GPR17: variants seen among roughly 807,000 people sequenced by gnomAD.
GPR17 encodes G protein-coupled receptor 17, also known as uracil nucleotide/cysteinyl leukotriene receptor.
Under a neutral mutation model 1.5 loss-of-function variants are expected in GPR17, and 4 were observed. That is an observed-to-expected ratio of 2.73 (90% CI 1.35 to 6.25). The LOEUF (loss-of-function observed/expected upper bound fraction) is 6.25, where lower values mean the gene tolerates loss of function less well. GPR17 is among the 30% of genes most tolerant of loss of function. The pLI is 0.00. For missense variants in GPR17, 463 were observed against 462.1 expected (o/e 1.00, Z -0.02); for synonymous variants, 209 against 207.6 (o/e 1.01, Z -0.06).
Position 127,650,251 on chromosome 2 carries a change from A to G in GPR17, c.-20-465A>G, listed in dbSNP as rs561957421. On this transcript the variant is annotated intron_variant, in intron 1 of 1. Coordinates refer to ENST00000486700, the MANE Select transcript of GPR17 (RefSeq NM_001161417.2). ...GGGAGGGTCCAGGCACTCAGGATGA[A>G]CAGAACTCACCTGCCAAGGCTTGGG... Among the ~76,000 whole-genome samples, 3 of 152,242 alleles carry G rather than the reference A, an allele frequency of 2.0e-5. 1 individual carries two copies. Among genetic ancestry groups the G allele is most frequent in the African/African-American group, 7.2e-5 (3 of 41,550 alleles).
Position 127,651,781 on chromosome 2 carries a change from G to A in GPR17, c.*26G>A, listed in dbSNP as rs372718166. On this transcript the variant is annotated 3_prime_UTR_variant, in exon 2 of 2. Transcript: ENST00000486700. ...GCGGGGGGCGCCGTCCAGGCCGAGCGCAGACTGTTTAGGACTCAGCAGACC... is the reference window on the plus strand; with the variant it reads ...GCGGGGGGCGCCGTCCAGGCCGAGCACAGACTGTTTAGGACTCAGCAGACC... 45 of 1,601,624 alleles carry A rather than the reference G, an allele frequency of 2.8e-5. No homozygotes were observed. Among genetic ancestry groups the A allele is most frequent in the South Asian group, 1.8e-4 (16 of 89,804 alleles).
chr2:127,652,011 G>A lies in GPR17; in HGVS notation c.*256G>A. On this transcript the variant is annotated 3_prime_UTR_variant, in exon 2 of 2. Coordinates refer to ENST00000486700, the MANE Select transcript of GPR17 (RefSeq NM_001161417.2). Reference sequence around the variant, plus strand: ...CACTCAACGACTTCATCTGTGGCAGGGAGAGAGGAGGCCGGAAGAACAACC... The same window carrying A: ...CACTCAACGACTTCATCTGTGGCAGAGAGAGAGGAGGCCGGAAGAACAACC... 1.9e-6 allele frequency: 1 copy of A among 539,172 alleles called. No individual in the cohort carries two copies. The highest frequency in any genetic ancestry group is 2.9e-5 in the South Asian group (1 of 34,648). The allele number at this position is 539,172 out of a possible 1,614,324, so 33.4% of individuals were successfully genotyped here. A position where few individuals can be genotyped will look rare whatever the true frequency, so the allele number is the denominator to read the frequency against.
In GPR17 at chr2:127,651,939, C is replaced by T. The variant is rs1209487811; in HGVS notation, c.*184C>T. 3 of 635,348 alleles carry T rather than the reference C, an allele frequency of 4.7e-6. No homozygotes were observed. Among genetic ancestry groups the T allele is most frequent in the Non-Finnish European group, 8.4e-6 (3 of 357,260 alleles). The allele number at this position is 635,348 out of a possible 1,614,324, so 39.4% of individuals were successfully genotyped here. A position where few individuals can be genotyped will look rare whatever the true frequency, so the allele number is the denominator to read the frequency against. On this transcript the variant is annotated 3_prime_UTR_variant, in exon 2 of 2. Transcript: ENST00000486700. ...GGAAGAACTGACAAAGGGGATCCAT[C>T]GGCCACCCCTCTGCAGGGGCTTGTG...
In GPR17 at chr2:127,650,728, G is replaced by C; in HGVS notation, c.-8G>C. On this transcript the variant is annotated 5_prime_UTR_variant, in exon 2 of 2. Transcript: ENST00000486700. Reference sequence around the variant, plus strand: ...TTGTTCCCTCCAGGCTCTGACTCCAGCCAAAGCATGAATGGCCTTGAAGTG... The same window carrying C: ...TTGTTCCCTCCAGGCTCTGACTCCACCCAAAGCATGAATGGCCTTGAAGTG... The C allele has an allele frequency of 6.2e-7, 1 of 1,605,476 alleles. No homozygotes were observed. The highest frequency in any genetic ancestry group is 8.5e-7 in the Non-Finnish European group (1 of 1,174,314).
At chr2:127,649,491 G>A (rs1683474957) in intron 1 of GPR17, among the ~76,000 whole-genome samples, 1 of 152,226 alleles carries the variant, frequency 6.6e-6, no homozygotes, top group African/African-American at 2.4e-5. Context: ...CACCCACCTG[G>A]CCGAAGCCCG....
Position 127,651,365 on chromosome 2 carries a change from C to T in GPR17, c.630C>T (p.Thr210=). ...AFTFPFITTV[T]CYLLIIRSLR... ...CCTTCCCGTTCATCACCACGGTCACCTGCTACCTGCTGATCATCCGCAGCC... is the reference window on the plus strand; with the variant it reads ...CCTTCCCGTTCATCACCACGGTCACTTGCTACCTGCTGATCATCCGCAGCC... Residue 210 remains threonine (T), a synonymous_variant, in exon 2 of 2, where the codon ACC becomes ACT. Coordinates refer to ENST00000486700, the MANE Select transcript of GPR17 (RefSeq NM_001161417.2). 1.2e-6 allele frequency: 2 copies of T among 1,612,538 alleles called. No homozygotes were observed. Among genetic ancestry groups the T allele is most frequent in the Non-Finnish European group, 1.7e-6 (2 of 1,180,050 alleles).
In GPR17 at chr2:127,647,916, G is replaced by T. The variant is rs920964355; in HGVS notation, c.-21+1672G>T. On this transcript the variant is annotated intron_variant, in intron 1 of 1. Coordinates refer to ENST00000486700, the MANE Select transcript of GPR17 (RefSeq NM_001161417.2). The surrounding 1 kb of genome is among the most constrained non-coding windows in gnomAD (Gnocchi z 4.3). ...GCTCCCTGTTCTCCCCTGCCTCACA[G>T]GCCCTGTCAAGGGCTGTGTTCCTCC... The T allele has an allele frequency of 3.1e-6, 2 of 652,800 alleles. No homozygotes were observed. The highest frequency in any genetic ancestry group is 3.8e-6 in the Non-Finnish European group (2 of 525,512). The allele number at this position is 652,800 out of a possible 1,614,324, so 40.4% of individuals were successfully genotyped here.
Position 127,648,008 on chromosome 2 carries a change from C to T in GPR17, c.-21+1764C>T, listed in dbSNP as rs534430381. On this transcript the variant is annotated intron_variant, in intron 1 of 1. Transcript: ENST00000486700. ...GCCCTTCCCCAGGGCTTCAGCCAAG[C>T]CTGTCTCCCTCTCCCAAGCATCACT... 1.4e-5 allele frequency: 14 copies of T among 985,724 alleles called. No homozygotes were observed. The East Asian group carries it at 1.6e-3, about 112-fold the overall frequency. The allele number at this position is 985,724 out of a possible 1,614,324, so 61.1% of individuals were successfully genotyped here.
At position 127,651,660 on chromosome 2, in the gene GPR17, T is replaced by C; in HGVS notation, c.925T>C (p.Cys309Arg). Residue 309 changes from cysteine (C) to arginine (R), a missense_variant, in exon 2 of 2, where the codon TGC becomes CGC. Coordinates refer to ENST00000486700, the MANE Select transcript of GPR17 (RefSeq NM_001161417.2). ...FVAEKFRHAL[C>R]NLLCGKRLKG... The stretch of plus-strand genomic sequence containing the variant: ...GGCTGAGAAGTTCCGCCACGCCCTG[T>C]GCAACTTGCTCTGTGGCAAAAGGCT... 6.2e-7 allele frequency: 1 copy of C among 1,613,408 alleles called. No homozygotes were observed. The highest frequency in any genetic ancestry group is 8.5e-7 in the Non-Finnish European group (1 of 1,180,032).
rs141840938 is a variant in GPR17 at position 127,650,976 on chromosome 2, G to T, written c.241G>T (p.Val81Leu). The T allele has an allele frequency of 2.1e-5, 34 of 1,613,694 alleles. No homozygotes were observed. The highest frequency in any genetic ancestry group is 1.1e-5 in the South Asian group (1 of 91,094). ...MHLAVADLSC[V>L]LVLPTRLVYH... ...TCTGGCCGTGGCCGACTTGTCGTGC[G>T]TGCTGGTCCTGCCCACCCGCCTGGT... The change falls in exon 2 of 2, where the codon GTG becomes TTG. Residue 81 changes from valine (V) to leucine (L), a missense_variant. Transcript: ENST00000486700.
chr2:127,649,090 AG>A (rs1447094853), intron 1 of GPR17, among the ~76,000 whole-genome samples: 3 of 146,442 alleles, frequency 2.0e-5, no homozygotes, highest in African/African-American at 7.5e-5. Context: ...AAAGAAAAAA[AG>A]AAAAAAGAAA....
rs3821231 is a variant in GPR17 at position 127,652,228 on chromosome 2, C to A, written c.*473C>A. ...CTTTGCAGTGCAAGGTACTCTGAGT[C>A]CCCTCTGTAGTGCCTCTGCCAGACA... is the stretch of plus-strand genomic sequence containing the variant. On this transcript the variant is annotated 3_prime_UTR_variant, in exon 2 of 2. Coordinates refer to ENST00000486700, the MANE Select transcript of GPR17 (RefSeq NM_001161417.2). The A allele has an allele frequency of 1.6e-3, 302 of 189,388 alleles. 8 individuals are homozygous for A. In the East Asian group the frequency reaches 0.041, roughly 26 times the overall value. 11.7% of individuals were successfully genotyped at this position (189,388 alleles called of 1,614,324 possible). A position where few individuals can be genotyped will look rare whatever the true frequency, so the allele number is the denominator to read the frequency against.
chr2:127,648,963 A>G (rs1270916401), intron 1 of GPR17, among the ~76,000 whole-genome samples: 6 of 12,518 alleles, frequency 4.8e-4, no homozygotes, highest in Admixed American at 2.1e-3. Flanking sequence ...AGGGGAGGGG[A>G]GGGGGGGAGG....
rs746146045 is a variant in GPR17 at position 127,651,931 on chromosome 2, G to A, written c.*176G>A. The A allele has an allele frequency of 1.5e-6, 1 of 651,408 alleles. No individual in the cohort carries two copies. The highest frequency in any genetic ancestry group is 2.7e-6 in the Non-Finnish European group (1 of 371,534). 40.4% of individuals were successfully genotyped at this position (651,408 alleles called of 1,614,324 possible). A position where few individuals can be genotyped will look rare whatever the true frequency, so the allele number is the denominator to read the frequency against. ...CATAAAAAGGAAGAACTGACAAAGG[G>A]GATCCATCGGCCACCCCTCTGCAGG... On this transcript the variant is annotated 3_prime_UTR_variant, in exon 2 of 2. Transcript: ENST00000486700.
Position 127,650,946 on chromosome 2 carries a change from A to G in GPR17, c.211A>G (p.Met71Val), listed in dbSNP as rs1324092251. The change falls in exon 2 of 2, where the codon ATG (methionine) becomes GTG (valine). Residue 71 changes from methionine to valine, a missense_variant. Physicochemically the swap from Met to Val is conservative, Grantham distance 21. Transcript: ENST00000486700. ...CGGGACCCCGGCCAACGTGTTCCTGATGCATCTGGCCGTGGCCGACTTGTC... is the reference window on the plus strand; with the variant it reads ...CGGGACCCCGGCCAACGTGTTCCTGGTGCATCTGGCCGTGGCCGACTTGTC... ...KSGTPANVFL[M>V]HLAVADLSCV... The G allele has an allele frequency of 1.2e-6, 2 of 1,613,876 alleles. No individual in the cohort carries two copies. The highest frequency in any genetic ancestry group is 1.7e-6 in the Non-Finnish European group (2 of 1,180,024).
Position 127,650,895 on chromosome 2 carries a change from T to A in GPR17, c.160T>A (p.Trp54Arg). 1 of 1,614,082 alleles carries A rather than the reference T, an allele frequency of 6.2e-7. No homozygotes were observed. The highest frequency in any genetic ancestry group is 8.5e-7 in the Non-Finnish European group (1 of 1,180,042). ...LALVGNTLAL[W>R]LFIRDHKSGT... ...TTTAGTTGGCAATACCCTGGCTCTG[T>A]GGCTTTTCATCCGAGACCACAAGTC... The change falls in exon 2 of 2, where the codon TGG becomes AGG. Residue 54 changes from tryptophan (W) to arginine (R), a missense_variant. Physicochemically the swap from Trp to Arg is moderately radical, Grantham distance 101 (BLOSUM62 -3). Coordinates refer to ENST00000486700, the MANE Select transcript of GPR17 (RefSeq NM_001161417.2).
At position 127,651,485 on chromosome 2, in the gene GPR17, C is replaced by T. The variant is rs1246379930; in HGVS notation, c.750C>T (p.Pro250=). 1 of 1,612,814 alleles carries T rather than the reference C, an allele frequency of 6.2e-7. No homozygotes were observed. ...CCATCTTCCTGGTCTGCTTCGTGCC[C>T]TACCACGTCAACCGCTCCGTCTACG... ...VLAIFLVCFV[P]YHVNRSVYVL... is the part of the protein sequence containing the mutation. The change falls in exon 2 of 2, where the codon CCC becomes CCT. Residue 250 remains proline (P), a synonymous_variant. Coordinates refer to ENST00000486700, the MANE Select transcript of GPR17 (RefSeq NM_001161417.2).
Position 127,651,683 on chromosome 2 carries a change from G to T in GPR17, c.948G>T (p.Arg316Ser). Reference sequence around the variant, plus strand: ...TGTGCAACTTGCTCTGTGGCAAAAGGCTCAAGGGCCCGCCCCCCAGCTTCG... The same window carrying T: ...TGTGCAACTTGCTCTGTGGCAAAAGTCTCAAGGGCCCGCCCCCCAGCTTCG... ...HALCNLLCGKRLKGPPPSFEG... is the reference protein window; with the variant it reads ...HALCNLLCGKSLKGPPPSFEG... The change falls in exon 2 of 2, where the codon AGG becomes AGT. Residue 316 changes from arginine (R) to serine (S), a missense_variant. Transcript: ENST00000486700. The T allele has an allele frequency of 1.2e-6, 2 of 1,613,288 alleles. No homozygotes were observed. The highest frequency in any genetic ancestry group is 2.2e-5 in the South Asian group (2 of 91,086).
intron 1 of GPR17, among the ~76,000 whole-genome samples, chr2:127,649,626 G>A (rs1279897470): frequency 6.6e-6 from 1 of 152,230 alleles, no homozygotes; most frequent in Admixed American, 6.5e-5. Context: ...GAGGCAGAGT[G>A]TTTGGGACCC....
Sources: gnomAD v4.1 joint callset for allele counts (sites outside exome capture counted in the v4.1 genomes callset) on GRCh38, gnomAD v4.1.1 for gene constraint, Gnocchi (gnomAD v3.1) non-coding constraint, MANE v1.5 for transcripts, NCBI Gene and HGNC (gene_info 2026-07-23, HGNC 2026-07-21) for gene names.